The following MID1 variants were observed in gnomAD, a reference collection of about 807,000 sequenced individuals.
The protein encoded by MID1 is E3 ubiquitin-protein ligase Midline-1.
MID1 carries 7 observed loss-of-function variants against 40.4 expected under a neutral mutation model. The observed-to-expected ratio is 0.17, with a 90% confidence interval of 0.10 to 0.33. The LOEUF (loss-of-function observed/expected upper bound fraction) is 0.33. Ranked by LOEUF, MID1 falls within the 10% of genes least tolerant of loss-of-function variation. The probability of loss-of-function intolerance (pLI) is 1.00; values close to 1 mark genes in which losing one functional copy is unlikely to be tolerated. For missense variants in MID1, 367 were observed against 558.5 expected (o/e 0.66, Z 3.46); for synonymous variants, 229 against 221.2 (o/e 1.04, Z -0.31).
intron 2 of MID1, among the ~76,000 whole-genome samples, chrX:10,563,471 G>C (rs1934416524): frequency 9.0e-6 from 1 of 111,692 alleles, no homozygotes; most frequent in African/African-American, 3.2e-5. Flanking sequence ...GAAAACTCTG[G>C]AATGCATTAA....
intron 8 of MID1, among the ~76,000 whole-genome samples, chrX:10,455,341 A>C (rs1409121849): frequency 1.8e-5 from 2 of 112,073 alleles, no homozygotes; most frequent in Non-Finnish European, 3.8e-5. Flanking sequence ...AGTACAGTAC[A>C]CAGTAAGAGT....
At chrX:10,557,520 C>CAG (rs1392719090) in intron 2 of MID1, among the ~76,000 whole-genome samples, 1 of 111,885 alleles carries the variant, frequency 8.9e-6, no homozygotes, top group African/African-American at 3.2e-5. Flanking sequence ...AGTCCTAGTT[C>CAG]AGAGTCACTA....
intron 3 of MID1, chrX:10,506,392 C>A (rs767974609): frequency 1.9e-6 from 2 of 1,060,216 alleles, no homozygotes; most frequent in South Asian, 4.1e-5. Flanking sequence ...GGGACAACTA[C>A]GAAGCCAGTA....
chrX:10,571,893 A>C (rs945207543), intron 1 of MID1, among the ~76,000 whole-genome samples: 1 of 110,178 alleles, frequency 9.1e-6, no homozygotes, highest in Non-Finnish European at 1.9e-5. Context: ...TATCGAGAAA[A>C]AAAAATGAAC....
intron 3 of MID1, among the ~76,000 whole-genome samples, chrX:10,522,469 A>G (rs1185639675): frequency 8.9e-6 from 1 of 112,367 alleles, no homozygotes; most frequent in Non-Finnish European, 1.9e-5. Context: ...AGTTTGTGGT[A>G]ATTTGTTATG....
intron 1 of MID1, among the ~76,000 whole-genome samples, chrX:10,667,279 T>C (rs2042956956): frequency 9.0e-6 from 1 of 111,616 alleles, no homozygotes. Context: ...AGGAAAATAG[T>C]CAGCTAAACA....
chrX:10,556,190 T>A, intron 2 of MID1, among the ~76,000 whole-genome samples: 1 of 111,706 alleles, frequency 9.0e-6, no homozygotes, highest in East Asian at 2.8e-4. Context: ...TCTGTCTAGA[T>A]GTGTATAAAT....
At chrX:10,663,166 T>C (rs942991845) in intron 1 of MID1, among the ~76,000 whole-genome samples, 1 of 111,432 alleles carries the variant, frequency 9.0e-6, no homozygotes, top group Non-Finnish European at 1.9e-5. Flanking sequence ...CCATCTAATG[T>C]GGACAATTTA....
At chrX:10,710,282 G>C (rs1602529828) in intron 1 of MID1, among the ~76,000 whole-genome samples, 2 of 111,164 alleles carry the variant, frequency 1.8e-5, no homozygotes, top group African/African-American at 6.5e-5. Flanking sequence ...AGTTTAGAAG[G>C]ATGCCACAAT....
intron 1 of MID1, among the ~76,000 whole-genome samples, chrX:10,817,412 T>C (rs746699105): frequency 1.1e-3 from 119 of 111,432 alleles, no homozygotes; most frequent in African/African-American, 3.7e-3. Context: ...TTATGATAGG[T>C]AGACTTCAGC....
intron 1 of MID1, among the ~76,000 whole-genome samples, chrX:10,713,352 C>A (rs769952397): frequency 1.9e-5 from 2 of 104,739 alleles, no homozygotes; most frequent in Admixed American, 2.0e-4. Flanking sequence ...GAGACAGGAT[C>A]TCGCTCTCTG....
chrX:10,822,245 A>C (rs2044180356), intron 1 of MID1, among the ~76,000 whole-genome samples: 1 of 111,313 alleles, frequency 9.0e-6, no homozygotes, highest in African/African-American at 3.3e-5. Flanking sequence ...TGCGGAAAGG[A>C]TTTTCTATTT....
intron 1 of MID1, among the ~76,000 whole-genome samples, chrX:10,722,970 C>T (rs2043367480): frequency 9.0e-6 from 1 of 110,980 alleles, no homozygotes; most frequent in Admixed American, 9.6e-5. Flanking sequence ...ATAATGGTGC[C>T]CTCTGCTGGG....
chrX:10,656,418 A>G (rs2042873017), intron 1 of MID1, among the ~76,000 whole-genome samples: 2 of 111,556 alleles, frequency 1.8e-5, no homozygotes, highest in Non-Finnish European at 3.8e-5. Context: ...CTGTACTGCC[A>G]CTTCCTGTTG....
At chrX:10,645,942 G>A (rs1363229670) in intron 1 of MID1, among the ~76,000 whole-genome samples, 1 of 111,626 alleles carries the variant, frequency 9.0e-6, no homozygotes, top group Non-Finnish European at 1.9e-5. Flanking sequence ...CTCAGAACAG[G>A]GGAGTTCTGA....
chrX:10,669,230 TAAAAAA>T (rs761817483), intron 1 of MID1, among the ~76,000 whole-genome samples: 1,434 of 46,923 alleles, frequency 0.031, 15 homozygotes, highest in African/African-American at 0.052. Flanking sequence ...CGTCTCAAAA[TAAAAAA>T]AAAAAAAAAA....
intron 2 of MID1, 109 bp from the exon 3 acceptor site, chrX:10,523,296 C>T: frequency 1.8e-6 from 1 of 558,765 alleles, no homozygotes. Context: ...TTTTCAGAAA[C>T]CTTAGTGAAA....
At position 10,675,716 on chromosome X, in the gene MID1, C is replaced by T. The variant is rs1360223720; in HGVS notation, c.-186-55297G>A. Among the ~76,000 whole-genome samples the T allele has an allele frequency of 4.5e-5, 5 of 111,438 alleles. No individual in the cohort carries two copies. In the East Asian group the frequency reaches 1.4e-3, roughly 31 times the overall value. ...ATAATGTATTCTATATATATCTTCA[C>T]ACAAATATGAAAGTCAGCTCTAGAA... On this transcript the variant is annotated intron_variant, in intron 1 of 10. Transcript: ENST00000380785.
intron 1 of MID1, among the ~76,000 whole-genome samples, chrX:10,666,406 C>CAAAAAAA (rs33938561): frequency 2.9e-5 from 2 of 68,848 alleles, no homozygotes; most frequent in Non-Finnish European, 5.5e-5. Context: ...TGATAAACTG[C>CAAAAAAA]AAAAAAAAAA....
Sources: gnomAD v4.1 joint callset for allele counts (sites outside exome capture counted in the v4.1 genomes callset) on GRCh38, gnomAD v4.1.1 for gene constraint, MANE v1.5 for transcripts, NCBI Gene and HGNC (gene_info 2026-07-23, HGNC 2026-07-21) for gene names.